The following SLIT3 variants were observed in gnomAD, a reference collection of about 807,000 sequenced individuals.
SLIT3 encodes slit guidance ligand 3.
In SLIT3, 68 loss-of-function variants were observed where a neutral mutation model predicts 184.0. The ratio of observed to expected loss-of-function variants is 0.37; its 90% CI spans 0.30 to 0.45. The LOEUF is 0.45. Ranked by LOEUF, SLIT3 falls within the 20% of genes least tolerant of loss-of-function variation. SLIT3 has a pLI of 1.00. For synonymous variants in SLIT3, 831 were observed against 828.6 expected (o/e 1.00, Z -0.05); for missense variants, 1,707 against 2,026.0 (o/e 0.84, Z 3.02).
At chr5:168,873,286 T>C (rs887928120) in intron 5 of SLIT3, among the ~76,000 whole-genome samples, 1 of 152,140 alleles carries the variant, frequency 6.6e-6, no homozygotes, top group Non-Finnish European at 1.5e-5. Context: ...ACCTAGAGGA[T>C]AAGCAACTTT....
chr5:168,955,484 G>A (rs1762796535), intron 4 of SLIT3, among the ~76,000 whole-genome samples: 1 of 152,154 alleles, frequency 6.6e-6, no homozygotes, highest in Admixed American at 6.5e-5. Context: ...CGTTCAGGCT[G>A]CAGGTGTTTG....
chr5:169,188,893 T>C (rs973099768), intron 4 of SLIT3, among the ~76,000 whole-genome samples: 2 of 152,148 alleles, frequency 1.3e-5, no homozygotes, highest in African/African-American at 4.8e-5. Flanking sequence ...CCCTTAACCC[T>C]TTCACTTGAC....
At chr5:168,965,841 G>T (rs891200481) in intron 4 of SLIT3, among the ~76,000 whole-genome samples, 1 of 152,174 alleles carries the variant, frequency 6.6e-6, no homozygotes, top group Non-Finnish European at 1.5e-5. Flanking sequence ...CTCTCCAATT[G>T]TGAACTCATG....
chr5:168,770,997 C>A (rs577893792), intron 14 of SLIT3, among the ~76,000 whole-genome samples: 2 of 151,982 alleles, frequency 1.3e-5, no homozygotes, highest in Non-Finnish European at 2.9e-5. Flanking sequence ...TGCTGTGCCA[C>A]GCAGGGCCGC....
intron 4 of SLIT3, among the ~76,000 whole-genome samples, chr5:168,935,151 A>AC (rs1762115917): frequency 7.6e-6 from 1 of 131,190 alleles, no homozygotes; most frequent in African/African-American, 3.0e-5. Context: ...AAAAAAAAAC[A>AC]AAAAAAAAAA....
rs187503630 is a variant in SLIT3 at position 169,269,747 on chromosome 5, A to G, written c.198-18288T>C. Among the ~76,000 whole-genome samples, 454 of 152,372 alleles carry G rather than the reference A, an allele frequency of 3.0e-3. 7 individuals carry two copies. Among genetic ancestry groups the G allele is most frequent in the African/African-American group, 0.01 (429 of 41,590 alleles). Reference sequence around the variant, plus strand: ...GGAATTAGGGAGGGAGAAGGGCCCAACTGCCTCTCCAACCAAAACTTCATG... The same window carrying G: ...GGAATTAGGGAGGGAGAAGGGCCCAGCTGCCTCTCCAACCAAAACTTCATG... On this transcript the variant is annotated intron_variant, in intron 1 of 35. Transcript: ENST00000519560.
chr5:169,238,060 C>T (rs116677200), intron 3 of SLIT3, among the ~76,000 whole-genome samples: 1,526 of 152,192 alleles, frequency 0.01, 32 homozygotes, highest in African/African-American at 0.032. Flanking sequence ...TATTCTGTCC[C>T]GTTGATGTGT....
At chr5:169,270,357 C>A (rs953148926) in intron 1 of SLIT3, among the ~76,000 whole-genome samples, 10 of 152,152 alleles carry the variant, frequency 6.6e-5, no homozygotes, top group African/African-American at 2.4e-4. Flanking sequence ...CAGGCCCGAT[C>A]CGGCCCACTG....
At chr5:168,764,034 C>T (rs1270577017) in intron 14 of SLIT3, among the ~76,000 whole-genome samples, 1 of 152,190 alleles carries the variant, frequency 6.6e-6, no homozygotes, top group Non-Finnish European at 1.5e-5. Flanking sequence ...CAGGCCTTGG[C>T]AACTTACTAG....
intron 1 of SLIT3, among the ~76,000 whole-genome samples, chr5:169,274,731 T>A (rs1056124078): frequency 2.0e-5 from 3 of 152,186 alleles, no homozygotes; most frequent in Non-Finnish European, 4.4e-5. Flanking sequence ...GACACTGGCA[T>A]CTTCCTGGCT....
At chr5:169,038,497 TA>T (rs1307015035) in intron 4 of SLIT3, among the ~76,000 whole-genome samples, 1 of 152,146 alleles carries the variant, frequency 6.6e-6, no homozygotes, top group Non-Finnish European at 1.5e-5. Flanking sequence ...CTTAGGTTTT[TA>T]AAAAAGTGCA....
At chr5:169,251,334 G>C (rs372323225) in intron 2 of SLIT3, 54 bp downstream of exon 2, 38 of 1,257,456 alleles carry the variant, frequency 3.0e-5, no homozygotes, top group Non-Finnish European at 4.1e-5. Context: ...ACATTTTTTT[G>C]TGAGGCTGAA....
chr5:169,017,305 C>T (rs1214205038), intron 4 of SLIT3, among the ~76,000 whole-genome samples: 2 of 152,192 alleles, frequency 1.3e-5, no homozygotes, highest in Non-Finnish European at 1.5e-5. Context: ...CCCACCTATC[C>T]CCACTCTGGA....
intron 3 of SLIT3, among the ~76,000 whole-genome samples, chr5:169,226,491 C>G (rs1023693165): frequency 1.2e-4 from 18 of 152,116 alleles, no homozygotes; most frequent in African/African-American, 4.3e-4. Context: ...GTAGCAGTCT[C>G]TGATCTTCGG....
chr5:168,922,703 G>C (rs1237849818), intron 4 of SLIT3, among the ~76,000 whole-genome samples: 3 of 152,098 alleles, frequency 2.0e-5, no homozygotes, highest in Admixed American at 2.0e-4. Flanking sequence ...TTTTCCAGCA[G>C]GTACACAGGA....
chr5:169,092,696 C>T (rs895839075), intron 4 of SLIT3, among the ~76,000 whole-genome samples: 2 of 152,166 alleles, frequency 1.3e-5, no homozygotes, highest in South Asian at 2.1e-4. Context: ...GCAGAAGTAC[C>T]AGAGTGAGGT....
rs1417824514 is a variant in SLIT3, at chr5:168,671,475, T to G, written c.3850A>C (p.Thr1284Pro). Reference protein sequence around the residue: ...NSPLYLGGIPTSTGLSALRQG... With the variant: ...NSPLYLGGIPPSTGLSALRQG... ...CGCAAGGCAGAGAGGCCGGTGGAGG[T>G]GGGGATGCCTGTGGGAGGGGAGCCA... is the stretch of plus-strand genomic sequence containing the variant. The change falls in exon 34 of 36, where the codon ACC (threonine) becomes CCC (proline). Residue 1284 changes from threonine to proline, a missense_variant. This residue lies in a region of SLIT3 where 387 missense variants were observed against 477.9 expected (regional missense o/e 0.81). Coordinates refer to ENST00000519560, the MANE Select transcript of SLIT3 (RefSeq NM_003062.4). The G allele has an allele frequency of 1.2e-6, 2 of 1,609,342 alleles. No homozygotes were observed. Among genetic ancestry groups the G allele is most frequent in the Non-Finnish European group, 1.7e-6 (2 of 1,178,174 alleles).
chr5:168,929,842 C>T (rs915022311), intron 4 of SLIT3, among the ~76,000 whole-genome samples: 6 of 152,184 alleles, frequency 3.9e-5, no homozygotes, highest in Admixed American at 6.5e-5. Context: ...TGGCGTGGGC[C>T]GGCCTCCACA....
intron 7 of SLIT3, among the ~76,000 whole-genome samples, chr5:168,821,297 T>G (rs927920440): frequency 1.3e-5 from 2 of 152,180 alleles, no homozygotes; most frequent in Non-Finnish European, 2.9e-5. Context: ...GCTTCTAAAC[T>G]GAAAATAACA....
Sources: gnomAD v4.1 joint callset for allele counts (sites outside exome capture counted in the v4.1 genomes callset) on GRCh38, gnomAD v4.1.1 for gene constraint, gnomAD v4.1.1 regional missense constraint, MANE v1.5 for transcripts, NCBI Gene and HGNC (gene_info 2026-07-23, HGNC 2026-07-21) for gene names.